Variants in PCDHGB5 observed in about 807,000 individuals in gnomAD.
PCDHGB5 encodes protocadherin gamma subfamily B, 5.
Under a neutral mutation model 62.9 loss-of-function variants are expected in PCDHGB5, and 48 were observed. That is an observed-to-expected ratio of 0.76 (90% CI 0.61 to 0.97). The LOEUF (loss-of-function observed/expected upper bound fraction) is 0.97, where lower values mean the gene tolerates loss of function less well. Ranked by LOEUF, PCDHGB5 falls within the 50% of genes least tolerant of loss-of-function variation. The probability of loss-of-function intolerance (pLI) is 0.00; values close to 1 mark genes in which losing one functional copy is unlikely to be tolerated. For synonymous variants in PCDHGB5, 474 were observed against 511.2 expected (o/e 0.93, Z 0.98); for missense variants, 1,118 against 1,198.6 (o/e 0.93, Z 0.99).
At position 141,487,641 on chromosome 5, in the gene PCDHGB5, T is replaced by C. The variant is rs1343702532; in HGVS notation, c.2398-7166T>C. The stretch of plus-strand genomic sequence containing the variant: ...GTGAGACCTTTGCAGGCTCAACAAA[T>C]GCTTGAGGGTTATTCTGATCCAGGC... On this transcript the variant is annotated intron_variant, in intron 1 of 3. Coordinates refer to ENST00000617380, the MANE Select transcript of PCDHGB5 (RefSeq NM_018925.3). The surrounding 1 kb of genome is among the most constrained non-coding windows in gnomAD (Gnocchi z 5.0). The C allele has an allele frequency of 6.2e-7, 1 of 1,614,122 alleles. No individual in the cohort carries two copies. Among genetic ancestry groups the C allele is most frequent in the Non-Finnish European group, 8.5e-7 (1 of 1,179,998 alleles).
At position 141,406,249 on chromosome 5, in the gene PCDHGB5, G is replaced by A. The variant is rs73279090; in HGVS notation, c.2397+5725G>A. Among the ~76,000 whole-genome samples, 1,262 of 152,022 alleles carry A rather than the reference G, an allele frequency of 8.3e-3. 17 individuals are homozygous for A. The highest frequency in any genetic ancestry group is 0.029 in the African/African-American group (1,198 of 41,452). On this transcript the variant is annotated intron_variant, in intron 1 of 3. Coordinates refer to ENST00000617380, the MANE Select transcript of PCDHGB5 (RefSeq NM_018925.3). ...CTAGCAAGCTATGTTGCCCAGACTG[G>A]TCTCAAACGATCTTCCTGCTTCAGT...
At chr5:141,451,091 G>A (rs2098706622) in intron 1 of PCDHGB5, among the ~76,000 whole-genome samples, 1 of 151,962 alleles carries the variant, frequency 6.6e-6, no homozygotes, top group South Asian at 2.1e-4. Context: ...ACCTCCCAAA[G>A]TGTTGGGATT....
intron 1 of PCDHGB5, among the ~76,000 whole-genome samples, chr5:141,435,790 A>G (rs1336963117): frequency 2.0e-5 from 3 of 152,168 alleles, no homozygotes; most frequent in African/African-American, 7.2e-5. Flanking sequence ...GCAGGGAAAC[A>G]TAACGTCCCA....
rs370898446 is a variant in PCDHGB5 at position 141,399,297 on chromosome 5, T to A, written c.1170T>A (p.Ile390=). 6.2e-7 allele frequency: 1 copy of A among 1,613,830 alleles called. No individual in the cohort carries two copies. Among genetic ancestry groups the A allele is most frequent in the African/African-American group, 1.3e-5 (1 of 74,934 alleles). ...TACAAGGCGAAGTCCCTTTTAAGATTATCTCTTCATCCAAAAATTCGTATA... is the reference window on the plus strand; with the variant it reads ...TACAAGGCGAAGTCCCTTTTAAGATAATCTCTTCATCCAAAAATTCGTATA... ...CQLQGEVPFK[I]ISSSKNSYKL... The change falls in exon 1 of 4, where the codon ATT becomes ATA. Residue 390 remains isoleucine (I), a synonymous_variant. Coordinates refer to ENST00000617380, the MANE Select transcript of PCDHGB5 (RefSeq NM_018925.3).
chr5:141,458,404 G>A lies in PCDHGB5; in HGVS notation c.2398-36403G>A, dbSNP rs183963289. Among the ~76,000 whole-genome samples the A allele has an allele frequency of 4.6e-5, 7 of 152,218 alleles. No homozygotes were observed. The East Asian group carries it at 5.8e-4, about 13-fold the overall frequency. ...GGAAGACGCTCCCCCTTGCAGAGAC[G>A]GAGCGGGGGTTCCAAAGCTGAAAGA... On this transcript the variant is annotated intron_variant, in intron 1 of 3. Transcript: ENST00000617380.
intron 1 of PCDHGB5, chr5:141,403,454 C>A: frequency 6.2e-7 from 1 of 1,614,054 alleles, no homozygotes; most frequent in Non-Finnish European, 8.5e-7. Flanking sequence ...GAACTCCCTC[C>A]AGAGCTACCA....
In PCDHGB5 at chr5:141,511,161, G is replaced by A; in HGVS notation, c.2760G>A (p.Lys920=). 1 of 1,614,176 alleles carries A rather than the reference G, an allele frequency of 6.2e-7. No individual in the cohort carries two copies. The highest frequency in any genetic ancestry group is 8.5e-7 in the Non-Finnish European group (1 of 1,180,010). ...GNGNKKKSGK[K]EKK ...GCAACAAGAAGAAGTCGGGCAAGAA[G>A]GAGAAGAAGTAACATGGAGGCCAGG... Residue 920 remains lysine, a synonymous_variant, in exon 4 of 4, where the codon AAG becomes AAA. Transcript: ENST00000617380.
chr5:141,502,864 G>GGCTTTTTT (rs2099816401), intron 2 of PCDHGB5, among the ~76,000 whole-genome samples: 1 of 61,572 alleles, frequency 1.6e-5, no homozygotes, highest in Non-Finnish European at 3.0e-5. Flanking sequence ...CTGACTCTCT[G>GGCTTTTTT]TCTTTTTTTT....
rs754462129 is a variant in PCDHGB5, at chr5:141,490,693, G to T, written c.2398-4114G>T. 6.2e-7 allele frequency: 1 copy of T among 1,614,170 alleles called. No homozygotes were observed. Among genetic ancestry groups the T allele is most frequent in the South Asian group, 1.1e-5 (1 of 91,072 alleles). On this transcript the variant is annotated intron_variant, in intron 1 of 3. Transcript: ENST00000617380. This position sits in a 1 kb window ranked among gnomAD's most constrained non-coding sequence, Gnocchi z 5.4. Reference sequence around the variant, plus strand: ...GGCTGCCTCAGATCCAGACACTGGGGATAATGCCCGCCTCACCTACTCCAT... The same window carrying T: ...GGCTGCCTCAGATCCAGACACTGGGTATAATGCCCGCCTCACCTACTCCAT...
intron 1 of PCDHGB5, chr5:141,411,907 G>A (rs2095522781): frequency 1.3e-5 from 2 of 152,156 alleles, no homozygotes; most frequent in Non-Finnish European, 2.9e-5. Flanking sequence ...TATTGCCTTT[G>A]CACTCAGTCT....
In PCDHGB5 at chr5:141,457,578, C is replaced by T. The variant is rs538068150; in HGVS notation, c.2398-37229C>T. Among the ~76,000 whole-genome samples, 38 of 152,304 alleles carry T rather than the reference C, an allele frequency of 2.5e-4. No individual in the cohort carries two copies. The South Asian group carries it at 7.7e-3, about 31-fold the overall frequency. ...AGCTTTGGAGCAAAATTTTTCTCTC[C>T]AGTCCTCATTTTTGGTAAAAACTAA... On this transcript the variant is annotated intron_variant, in intron 1 of 3. Coordinates refer to ENST00000617380, the MANE Select transcript of PCDHGB5 (RefSeq NM_018925.3).
intron 2 of PCDHGB5, 54 bp from the exon 3 acceptor site, chr5:141,505,339 G>A: frequency 1.2e-6 from 2 of 1,612,236 alleles, no homozygotes; most frequent in Middle Eastern, 3.4e-4. Flanking sequence ...GACAGGAGGG[G>A]CATGAGCTGT....
intron 1 of PCDHGB5, chr5:141,403,227 G>C (rs2094378929): frequency 1.2e-6 from 2 of 1,608,848 alleles, no homozygotes; most frequent in African/African-American, 1.3e-5. Context: ...AGGATAGACC[G>C]GGAGGAGCTC....
At chr5:141,420,024 C>T (rs2096459407) in intron 1 of PCDHGB5, 1 of 1,614,088 alleles carries the variant, frequency 6.2e-7, no homozygotes, top group Non-Finnish European at 8.5e-7. Context: ...TTCAGCCCTA[C>T]TGCAGGAGAC....
chr5:141,421,388 G>A (rs369403750), intron 1 of PCDHGB5: 1 of 1,613,934 alleles, frequency 6.2e-7, no homozygotes, highest in Non-Finnish European at 8.5e-7. Context: ...AAGGACCTGG[G>A]GCTGGAGCCC....
intron 1 of PCDHGB5, chr5:141,420,098 A>G: frequency 6.2e-7 from 1 of 1,614,034 alleles, no homozygotes; most frequent in African/African-American, 1.3e-5. Flanking sequence ...CAGTGAGGGA[A>G]CGTTGCCCTA....
chr5:141,453,752 T>C (rs1404363977), intron 1 of PCDHGB5, among the ~76,000 whole-genome samples: 10 of 152,364 alleles, frequency 6.6e-5, no homozygotes, highest in Admixed American at 5.9e-4. Flanking sequence ...AACATAAGTC[T>C]CCTAAAAATA....
In PCDHGB5 at chr5:141,432,518, C is replaced by T. The variant is rs1314948517; in HGVS notation, c.2397+31994C>T. 6.2e-7 allele frequency: 1 copy of T among 1,614,126 alleles called. No homozygotes were observed. The highest frequency in any genetic ancestry group is 8.5e-7 in the Non-Finnish European group (1 of 1,180,024). On this transcript the variant is annotated intron_variant, in intron 1 of 3. Coordinates refer to ENST00000617380, the MANE Select transcript of PCDHGB5 (RefSeq NM_018925.3). This position sits in a 1 kb window ranked among gnomAD's most constrained non-coding sequence, Gnocchi z 6.0. The stretch of plus-strand genomic sequence containing the variant: ...TCCCCGCTCCGCAGAGCCCGGCTAC[C>T]TGGTGACCAAGGTGGTGGCGGTGGA...
intron 3 of PCDHGB5, among the ~76,000 whole-genome samples, chr5:141,509,056 G>A (rs1303823294): frequency 1.3e-5 from 2 of 152,178 alleles, no homozygotes; most frequent in Admixed American, 6.5e-5. Context: ...CCCCCAGAAA[G>A]CTCTCAGCTC....
Sources: gnomAD v4.1 joint callset for allele counts (sites outside exome capture counted in the v4.1 genomes callset) on GRCh38, gnomAD v4.1.1 for gene constraint, Gnocchi (gnomAD v3.1) non-coding constraint, MANE v1.5 for transcripts, NCBI Gene and HGNC (gene_info 2026-07-23, HGNC 2026-07-21) for gene names.